The following GNAQ variants were observed in gnomAD, a reference collection of about 807,000 sequenced individuals.
GNAQ encodes the protein G protein subunit alpha q, also known as guanine nucleotide-binding protein G(q) subunit alpha.
Under a neutral mutation model 43.9 loss-of-function variants are expected in GNAQ, and 8 were observed. The ratio of observed to expected loss-of-function variants is 0.18; its 90% confidence interval spans 0.11 to 0.33. GNAQ has a LOEUF of 0.33. GNAQ is among the 10% of genes least tolerant of loss of function. The pLI is 1.00. For synonymous variants in GNAQ, 155 were observed against 170.7 expected (o/e 0.91, Z 0.71); for missense variants, 158 against 450.8 (o/e 0.35, Z 5.88).
intron 1 of GNAQ, among the ~76,000 whole-genome samples, chr9:78,028,400 C>G (rs1824008377): frequency 6.6e-6 from 1 of 152,106 alleles, no homozygotes; most frequent in Admixed American, 6.5e-5. Context: ...ATTTTACTGC[C>G]ATACTTTCAT....
intron 2 of GNAQ, among the ~76,000 whole-genome samples, chr9:77,866,325 A>G (rs1180394325): frequency 6.6e-6 from 1 of 152,158 alleles, no homozygotes; most frequent in African/African-American, 2.4e-5. Flanking sequence ...TAAAATACAA[A>G]AATTAGCTGG....
intron 1 of GNAQ, among the ~76,000 whole-genome samples, chr9:77,939,731 C>T (rs193104054): frequency 1.2e-3 from 182 of 152,232 alleles, no homozygotes; most frequent in African/African-American, 4.2e-3. Context: ...TTCTGTCCAA[C>T]AAGAATTAGC....
intron 2 of GNAQ, among the ~76,000 whole-genome samples, chr9:77,914,897 GA>G (rs1828872037): frequency 6.9e-6 from 1 of 145,364 alleles, no homozygotes; most frequent in African/African-American, 2.5e-5. Flanking sequence ...TAGATACAAA[GA>G]AAAAAATCTC....
chr9:77,728,856 A>C (rs908055267), intron 5 of GNAQ, among the ~76,000 whole-genome samples, 189 bp from the exon 6 acceptor site: 5 of 152,148 alleles, frequency 3.3e-5, no homozygotes, highest in African/African-American at 1.2e-4. Context: ...CATTATGCAA[A>C]CTCTCAGGCT....
At chr9:77,739,342 T>TG (rs1427753501) in intron 5 of GNAQ, among the ~76,000 whole-genome samples, 1 of 152,070 alleles carries the variant, frequency 6.6e-6, no homozygotes, top group African/African-American at 2.4e-5. Context: ...GAGAATTGTC[T>TG]GCTCCTGTCT....
At chr9:77,754,899 A>T (rs1396409984) in intron 5 of GNAQ, among the ~76,000 whole-genome samples, 1 of 152,256 alleles carries the variant, frequency 6.6e-6, no homozygotes, top group Non-Finnish European at 1.5e-5. Context: ...AAAAGAAGGA[A>T]AATCAGTGTA....
intron 2 of GNAQ, among the ~76,000 whole-genome samples, chr9:77,851,500 G>T (rs1827675660): frequency 6.6e-6 from 1 of 152,224 alleles, no homozygotes; most frequent in Non-Finnish European, 1.5e-5. Flanking sequence ...TCTTCACAGA[G>T]GGCACTGAAA....
chr9:77,862,747 T>C (rs1032374262), intron 2 of GNAQ, among the ~76,000 whole-genome samples: 1 of 152,246 alleles, frequency 6.6e-6, no homozygotes, highest in African/African-American at 2.4e-5. Flanking sequence ...CGGGCTTGAA[T>C]TTCCCCTCAT....
intron 2 of GNAQ, among the ~76,000 whole-genome samples, chr9:77,861,361 CA>C (rs1298717739): frequency 2.0e-5 from 3 of 152,134 alleles, no homozygotes; most frequent in African/African-American, 7.2e-5. Flanking sequence ...TGCCCCTTGC[CA>C]CTCCCAAATC....
At chr9:77,889,152 C>T (rs1828357888) in intron 2 of GNAQ, among the ~76,000 whole-genome samples, 1 of 151,932 alleles carries the variant, frequency 6.6e-6, no homozygotes, top group Non-Finnish European at 1.5e-5. Context: ...TGTTGGCTCA[C>T]ACCTGTAATC....
intron 1 of GNAQ, among the ~76,000 whole-genome samples, chr9:77,964,365 G>A (rs1279804463): frequency 6.6e-6 from 1 of 152,076 alleles, no homozygotes; most frequent in Non-Finnish European, 1.5e-5. Context: ...AATAGATCAA[G>A]TAGAGAGAAA....
intron 1 of GNAQ, among the ~76,000 whole-genome samples, chr9:77,929,270 G>A (rs1587415568): frequency 1.3e-5 from 2 of 152,200 alleles, no homozygotes; most frequent in South Asian, 4.2e-4. Context: ...TGAACCCATT[G>A]ATTTCATTAA....
At chr9:77,932,122 T>C (rs188755865) in intron 1 of GNAQ, among the ~76,000 whole-genome samples, 8 of 152,352 alleles carry the variant, frequency 5.3e-5, no homozygotes, top group Admixed American at 4.6e-4. Context: ...GCCTTTGGTT[T>C]TGATCCAGTG....
intron 5 of GNAQ, among the ~76,000 whole-genome samples, chr9:77,751,667 C>A (rs933365959): frequency 6.6e-6 from 1 of 152,144 alleles, no homozygotes; most frequent in African/African-American, 2.4e-5. Context: ...AAATTAGAAT[C>A]TGTAACTCAG....
At chr9:77,946,682 G>A (rs1822904135) in intron 1 of GNAQ, among the ~76,000 whole-genome samples, 1 of 152,232 alleles carries the variant, frequency 6.6e-6, no homozygotes, top group Non-Finnish European at 1.5e-5. Context: ...GTTAACTGCA[G>A]TCTTTATTTT....
intron 2 of GNAQ, among the ~76,000 whole-genome samples, chr9:77,912,593 T>C (rs1828826453): frequency 6.6e-6 from 1 of 152,000 alleles, no homozygotes; most frequent in African/African-American, 2.4e-5. Context: ...AAAGAACCAT[T>C]AAGAAAACAA....
intron 2 of GNAQ, among the ~76,000 whole-genome samples, chr9:77,878,975 G>A (rs2118056327): frequency 6.6e-6 from 1 of 152,158 alleles, no homozygotes; most frequent in African/African-American, 2.4e-5. Flanking sequence ...GAACTCAGGA[G>A]GAGGAAGTTG....
At chr9:77,743,665 AACTG>A (rs5898558) in intron 5 of GNAQ, among the ~76,000 whole-genome samples, 83,143 of 151,378 alleles carry the variant, frequency 0.55, 26,368 homozygotes, top group Non-Finnish European at 0.71. Context: ...TTTTTTTTTA[AACTG>A]ACTGATAGCT....
chr9:77,790,905 C>T (rs895880548), intron 5 of GNAQ, among the ~76,000 whole-genome samples: 3 of 152,166 alleles, frequency 2.0e-5, no homozygotes, highest in Non-Finnish European at 4.4e-5. Context: ...TGAGTAGCAG[C>T]TTCAGCAAGT....
Sources: allele counts gnomAD v4.1 joint callset (sites outside exome capture counted in the v4.1 genomes callset), GRCh38; gene constraint gnomAD v4.1.1; transcripts MANE v1.5; gene names NCBI Gene and HGNC (gene_info 2026-07-23, HGNC 2026-07-21).